The following GALK2 variants were observed in gnomAD, a reference collection of about 807,000 sequenced individuals.
GALK2 encodes the protein galactokinase 2.
Under a neutral mutation model 52.4 loss-of-function variants are expected in GALK2, and 36 were observed. The observed-to-expected ratio is 0.69, with a 90% CI of 0.53 to 0.91. GALK2 has a LOEUF of 0.91. Ranked by LOEUF, GALK2 falls within the 40% of genes least tolerant of loss-of-function variation. The probability of loss-of-function intolerance (pLI) is 0.00; values close to 1 mark genes in which losing one functional copy is unlikely to be tolerated. For synonymous variants in GALK2, 176 were observed against 199.1 expected, an observed-to-expected ratio of 0.88 and a Z score of 0.98; for missense variants, 579 against 559.1, an observed-to-expected ratio of 1.04 and a Z score of -0.36.
intron 3 of GALK2, among the ~76,000 whole-genome samples, chr15:49,231,246 A>G (rs773331794): frequency 3.3e-5 from 5 of 152,218 alleles, no homozygotes; most frequent in African/African-American, 4.8e-5. Context: ...CATGTCTTAC[A>G]TGAGTGGAGC....
intron 1 of GALK2, among the ~76,000 whole-genome samples, chr15:49,158,668 A>T (rs1025045566): frequency 3.3e-5 from 5 of 152,250 alleles, no homozygotes; most frequent in African/African-American, 1.2e-4. Flanking sequence ...AATTCAAAAT[A>T]AAGAAAAAAA....
At chr15:49,228,157 G>A (rs1194371022) in intron 3 of GALK2, among the ~76,000 whole-genome samples, 2 of 152,006 alleles carry the variant, frequency 1.3e-5, no homozygotes, top group Admixed American at 6.6e-5. Context: ...TTTTCTTGTT[G>A]TCTTTGACTT....
intron 5 of GALK2, among the ~76,000 whole-genome samples, chr15:49,241,969 GT>G (rs1482360473): frequency 6.6e-6 from 1 of 151,876 alleles, no homozygotes; most frequent in African/African-American, 2.4e-5. Context: ...GCTAGTCTAA[GT>G]TGTACTAACA....
Position 49,270,570 on chromosome 15 carries a change from A to C in GALK2, c.505-11417A>C, listed in dbSNP as rs540097697. On this transcript the variant is annotated intron_variant, in intron 5 of 9. Transcript: ENST00000560031. ...CATTTGAGCACAGTGCAGTAAAATC[A>C]ATTTATTTCATGTAACAACTCTTGG... 3.9e-5 allele frequency among the ~76,000 whole-genome samples: 6 copies of C among 152,294 alleles called. No individual in the cohort carries two copies. In the South Asian group the frequency reaches 8.3e-4, roughly 21 times the overall value.
chr15:49,230,522 A>G (rs2090442652), intron 3 of GALK2, among the ~76,000 whole-genome samples: 1 of 152,126 alleles, frequency 6.6e-6, no homozygotes, highest in Non-Finnish European at 1.5e-5. Flanking sequence ...GATCTATTCT[A>G]ACTATGATTG....
chr15:49,308,519 G>T (rs2035732366), intron 8 of GALK2, among the ~76,000 whole-genome samples: 1 of 152,192 alleles, frequency 6.6e-6, no homozygotes, highest in South Asian at 2.1e-4. Context: ...TCAAGGTAAT[G>T]AAATATTCTT....
intron 5 of GALK2, among the ~76,000 whole-genome samples, chr15:49,251,831 T>C (rs1480186551): frequency 6.6e-6 from 1 of 152,196 alleles, no homozygotes; most frequent in African/African-American, 2.4e-5. Context: ...ACATAAAAAA[T>C]AGCAAGACTT....
chr15:49,184,228 T>C (rs2086182813), intron 1 of GALK2, among the ~76,000 whole-genome samples: 1 of 152,158 alleles, frequency 6.6e-6, no homozygotes, highest in Non-Finnish European at 1.5e-5. Context: ...AATGACCTTC[T>C]TTTTCTCTTC....
intron 7 of GALK2, 106 bp from the exon 8 acceptor site, chr15:49,292,221 A>G: frequency 2.9e-6 from 3 of 1,021,704 alleles, no homozygotes; most frequent in South Asian, 1.6e-5. Context: ...TTGAAAGGAA[A>G]ACAACAACAA....
chr15:49,367,023 G>A (rs901468424), intron 3 of GALK2, among the ~76,000 whole-genome samples: 1 of 152,126 alleles, frequency 6.6e-6, no homozygotes, highest in Non-Finnish European at 1.5e-5. Context: ...ATTTTTTAAT[G>A]TGTAAAAAAT....
At chr15:49,210,025 G>T (rs533201250) in intron 2 of GALK2, among the ~76,000 whole-genome samples, 1 of 152,094 alleles carries the variant, frequency 6.6e-6, no homozygotes, top group Non-Finnish European at 1.5e-5. Flanking sequence ...TTATTGGTGC[G>T]TTCAGGTTTT....
At chr15:49,170,428 G>GCCACAGCT in intron 1 of GALK2, 53 bp downstream of exon 1, 1 of 1,541,792 alleles carries the variant, frequency 6.5e-7, no homozygotes, top group Non-Finnish European at 8.8e-7. Flanking sequence ...GCTACGTGTA[G>GCCACAGCT]ATCGGGTCCA....
At chr15:49,176,139 C>T (rs998020002) in intron 1 of GALK2, among the ~76,000 whole-genome samples, 3 of 152,254 alleles carry the variant, frequency 2.0e-5, no homozygotes, top group Non-Finnish European at 2.9e-5. Context: ...GAATATGGCA[C>T]TTTAGTCACA....
At chr15:49,233,231 A>G (rs922568425) in intron 3 of GALK2, among the ~76,000 whole-genome samples, 6 of 152,206 alleles carry the variant, frequency 3.9e-5, no homozygotes, top group African/African-American at 1.4e-4. Flanking sequence ...AGGCATGTCT[A>G]CATGGCCAGA....
At chr15:49,358,226 G>A (rs531112088) in intron 3 of GALK2, among the ~76,000 whole-genome samples, 1 of 150,998 alleles carries the variant, frequency 6.6e-6, no homozygotes, top group South Asian at 2.1e-4. Flanking sequence ...AGTGTTGGAA[G>A]TTCTGGCCAG....
chr15:49,304,210 ATAAG>A (rs2035355752), intron 8 of GALK2, among the ~76,000 whole-genome samples: 1 of 152,216 alleles, frequency 6.6e-6, no homozygotes, highest in South Asian at 2.1e-4. Context: ...AGGTTTCCAC[ATAAG>A]TAAGTGTTCT....
intron 5 of GALK2, among the ~76,000 whole-genome samples, chr15:49,280,673 G>T (rs183754643): frequency 6.6e-6 from 1 of 151,854 alleles, no homozygotes; most frequent in African/African-American, 2.4e-5. Flanking sequence ...CAGAAATAAG[G>T]GCCCGAATAA....
chr15:49,210,969 A>ACT (rs2088825830), intron 2 of GALK2, among the ~76,000 whole-genome samples: 1 of 100,396 alleles, frequency 1.0e-5, no homozygotes, highest in Non-Finnish European at 2.2e-5. Flanking sequence ...ACACACACAC[A>ACT]CACTCACACA....
downstream of GALK2, among the ~76,000 whole-genome samples, chr15:49,332,268 T>G (rs1029424089): frequency 3.9e-5 from 6 of 152,194 alleles, no homozygotes; most frequent in African/African-American, 1.4e-4. Context: ...TTTAACTGAT[T>G]CCACTCATAA....
Sources: gnomAD v4.1 joint callset for allele counts (sites outside exome capture counted in the v4.1 genomes callset) on GRCh38, gnomAD v4.1.1 for gene constraint, MANE v1.5 for transcripts, NCBI Gene and HGNC (gene_info 2026-07-23, HGNC 2026-07-21) for gene names.